The following CHMP4B variants were observed in gnomAD, a reference collection of about 807,000 sequenced individuals.
The protein encoded by CHMP4B is SNF7 homolog associated with Alix 1.
Under a neutral mutation model 25.1 loss-of-function variants are expected in CHMP4B, and 1 was observed. The observed-to-expected ratio is 0.04, with a 90% CI of 0.01 to 0.19. The LOEUF (loss-of-function observed/expected upper bound fraction) is 0.19, where lower values mean the gene tolerates loss of function less well. Ranked by LOEUF, CHMP4B falls within the 10% of genes least tolerant of loss-of-function variation. The pLI, the probability that CHMP4B is intolerant of heterozygous loss-of-function variation, is 1.00. For synonymous variants in CHMP4B, 101 were observed against 115.6 expected, an observed-to-expected ratio of 0.87 and a Z score of 0.81; for missense variants, 151 against 289.7, an observed-to-expected ratio of 0.52 and a Z score of 3.48.
chr20:33,838,282 G>T (rs980557907), intron 1 of CHMP4B, among the ~76,000 whole-genome samples: 2 of 152,170 alleles, frequency 1.3e-5, no homozygotes, highest in African/African-American at 2.4e-5. Flanking sequence ...AGTTTCCTCC[G>T]GATGTAAGAT....
chr20:33,813,037 T>A (rs1978680789), intron 1 of CHMP4B, among the ~76,000 whole-genome samples: 1 of 151,216 alleles, frequency 6.6e-6, no homozygotes, highest in Non-Finnish European at 1.5e-5. Flanking sequence ...GATGGTCTGA[T>A]AGGGAGTGGT....
intron 1 of CHMP4B, among the ~76,000 whole-genome samples, chr20:33,826,446 A>C (rs544399452): frequency 4.6e-5 from 7 of 152,214 alleles, no homozygotes; most frequent in South Asian, 2.1e-4. Flanking sequence ...GGGGCCCTGG[A>C]TGCCAAGCTG....
At chr20:33,848,439 C>A in intron 1 of CHMP4B, 28 bp from the exon 2 acceptor site, 1 of 1,613,084 alleles carries the variant, frequency 6.2e-7, no homozygotes, top group South Asian at 1.1e-5. Flanking sequence ...CCGGGACTCT[C>A]TGAAACCCTG....
intron 1 of CHMP4B, among the ~76,000 whole-genome samples, chr20:33,835,529 C>T (rs1164592407): frequency 3.9e-5 from 6 of 152,342 alleles, no homozygotes; most frequent in African/African-American, 1.4e-4. Context: ...TTTTTTCTCT[C>T]TGTATTTCAT....
chr20:33,836,883 T>C lies in CHMP4B; in HGVS notation c.191-11584T>C, dbSNP rs569864766. Among the ~76,000 whole-genome samples the C allele has an allele frequency of 1.2e-4, 18 of 152,286 alleles. No homozygotes were observed. The South Asian group carries it at 3.5e-3, about 30-fold the overall frequency. ...TGTCCAGTGTCTCAAAAACTGTTAA[T>C]TCATTTCTCTTGGGCTACGGATAAA... On this transcript the variant is annotated intron_variant, in intron 1 of 4. Transcript: ENST00000217402.
At chr20:33,841,951 G>A (rs1047333610) in intron 1 of CHMP4B, among the ~76,000 whole-genome samples, 5 of 152,116 alleles carry the variant, frequency 3.3e-5, no homozygotes, top group Non-Finnish European at 7.4e-5. Context: ...AAAGAGTCCT[G>A]GGCTGGAAAC....
chr20:33,828,846 A>C (rs1350516411), intron 1 of CHMP4B, among the ~76,000 whole-genome samples: 1 of 151,808 alleles, frequency 6.6e-6, no homozygotes, highest in African/African-American at 2.4e-5. Flanking sequence ...TTTTAAATGT[A>C]TACACTTGTG....
chr20:33,832,794 A>T (rs1340529073), intron 1 of CHMP4B, among the ~76,000 whole-genome samples: 11 of 81,458 alleles, frequency 1.4e-4, no homozygotes, highest in South Asian at 4.3e-4. Flanking sequence ...TTTTTTTTTT[A>T]AAGAGACAGG....
intron 1 of CHMP4B, among the ~76,000 whole-genome samples, chr20:33,826,375 G>T (rs1255701337): frequency 1.3e-5 from 2 of 152,194 alleles, no homozygotes; most frequent in East Asian, 3.9e-4. Flanking sequence ...GGGTTATGGG[G>T]TATAGATGAG....
intron 1 of CHMP4B, among the ~76,000 whole-genome samples, chr20:33,843,956 A>G (rs1051280795): frequency 1.3e-5 from 2 of 152,242 alleles, no homozygotes; most frequent in African/African-American, 4.8e-5. Context: ...GTTCTAAACT[A>G]GTTGAGAAAC....
intron 1 of CHMP4B, among the ~76,000 whole-genome samples, chr20:33,832,479 A>G (rs1218871238): frequency 6.6e-6 from 1 of 152,184 alleles, no homozygotes; most frequent in Non-Finnish European, 1.5e-5. Flanking sequence ...TTCTTAGTAA[A>G]TGATTTGCTT....
At chr20:33,837,503 C>T (rs540225357) in intron 1 of CHMP4B, among the ~76,000 whole-genome samples, 1 of 151,456 alleles carries the variant, frequency 6.6e-6, no homozygotes, top group East Asian at 1.9e-4. Flanking sequence ...GGGGATCCCT[C>T]AAGGCTGACA....
intron 1 of CHMP4B, among the ~76,000 whole-genome samples, chr20:33,831,089 C>T (rs1979235237): frequency 6.8e-6 from 1 of 147,256 alleles, no homozygotes; most frequent in African/African-American, 2.5e-5. Context: ...TGCCTATGCT[C>T]AGCTAATTTT....
At chr20:33,842,253 C>T (rs993135967) in intron 1 of CHMP4B, among the ~76,000 whole-genome samples, 2 of 152,024 alleles carry the variant, frequency 1.3e-5, no homozygotes, top group African/African-American at 4.8e-5. Flanking sequence ...GTTGTTTTGA[C>T]TTTGGGTCAC....
chr20:33,816,667 A>G (rs1641077272), intron 1 of CHMP4B, among the ~76,000 whole-genome samples: 1 of 152,256 alleles, frequency 6.6e-6, no homozygotes, highest in South Asian at 2.1e-4. Context: ...AGTCTTGGTA[A>G]CTAGCTAAGG....
At chr20:33,834,217 C>T (rs897560479) in intron 1 of CHMP4B, among the ~76,000 whole-genome samples, 1 of 152,094 alleles carries the variant, frequency 6.6e-6, no homozygotes, top group Non-Finnish European at 1.5e-5. Context: ...GACCTTCTTT[C>T]TCTTTTGTTT....
intron 1 of CHMP4B, among the ~76,000 whole-genome samples, chr20:33,823,344 C>T (rs1156366119): frequency 1.3e-5 from 2 of 151,916 alleles, no homozygotes; most frequent in Non-Finnish European, 2.9e-5. Flanking sequence ...CTTGGGGATC[C>T]TGAGGTGGGC....
intron 1 of CHMP4B, among the ~76,000 whole-genome samples, chr20:33,823,717 C>CA (rs1979008923): frequency 6.6e-6 from 1 of 152,006 alleles, no homozygotes; most frequent in Non-Finnish European, 1.5e-5. Context: ...TTTGTTTAGC[C>CA]ATAGGGTGAA....
intron 1 of CHMP4B, 88 bp downstream of exon 1, chr20:33,811,746 G>C: frequency 1.5e-6 from 2 of 1,363,938 alleles, no homozygotes; most frequent in Middle Eastern, 1.9e-4. Flanking sequence ...CTCGCCTCGG[G>C]GTCTGGTCTG....
Sources: gnomAD v4.1 joint callset for allele counts (sites outside exome capture counted in the v4.1 genomes callset) on GRCh38, gnomAD v4.1.1 for gene constraint, MANE v1.5 for transcripts, NCBI Gene and HGNC (gene_info 2026-07-23, HGNC 2026-07-21) for gene names.